The following LPP variants were observed in gnomAD, a reference collection of about 807,000 sequenced individuals.
The protein encoded by LPP is LIM domain containing preferred translocation partner in lipoma.
In LPP, 38 loss-of-function variants were observed where a neutral mutation model predicts 60.4. The ratio of observed to expected loss-of-function variants is 0.63; its 90% CI spans 0.49 to 0.83. LPP has a LOEUF of 0.83. Ranked by LOEUF, LPP falls within the 40% of genes least tolerant of loss-of-function variation. The pLI, the probability that LPP is intolerant of heterozygous loss-of-function variation, is 0.00. For missense variants in LPP, 902 were observed against 783.6 expected (o/e 1.15, Z -1.80); for synonymous variants, 328 against 290.8 (o/e 1.13, Z -1.30).
intron 9 of LPP, among the ~76,000 whole-genome samples, chr3:188,847,463 A>G (rs1761722421): frequency 6.6e-6 from 1 of 152,240 alleles, no homozygotes; most frequent in South Asian, 2.1e-4. Flanking sequence ...GAAACCCAGA[A>G]AGAAGAGAAG....
intron 8 of LPP, among the ~76,000 whole-genome samples, chr3:188,727,619 C>T (rs780933322): frequency 8.5e-5 from 13 of 152,166 alleles, no homozygotes; most frequent in Non-Finnish European, 1.8e-4. Context: ...GACAGGGACA[C>T]TTATTCATAT....
At chr3:188,738,228 G>A (rs1054049153) in intron 8 of LPP, among the ~76,000 whole-genome samples, 2 of 152,062 alleles carry the variant, frequency 1.3e-5, no homozygotes, top group Non-Finnish European at 2.9e-5. Context: ...GATCGGTCAC[G>A]TTGTGAATCT....
intron 1 of LPP, among the ~76,000 whole-genome samples, chr3:188,197,409 G>A (rs1386501384): frequency 1.3e-5 from 2 of 152,146 alleles, no homozygotes; most frequent in Non-Finnish European, 2.9e-5. Flanking sequence ...ATATAACTCG[G>A]CAGAGCTTTA....
intron 3 of LPP, among the ~76,000 whole-genome samples, chr3:188,396,206 G>C (rs1400098026): frequency 6.6e-6 from 1 of 152,074 alleles, no homozygotes; most frequent in South Asian, 2.1e-4. Flanking sequence ...TTCATCAATA[G>C]TAGACTCATA....
At chr3:188,628,163 A>G (rs1407793729) in intron 7 of LPP, among the ~76,000 whole-genome samples, 4 of 152,150 alleles carry the variant, frequency 2.6e-5, no homozygotes, top group Non-Finnish European at 5.9e-5. Flanking sequence ...GAAAAATCTC[A>G]ACAACCTAAC....
chr3:188,257,732 G>A (rs1732143877), intron 2 of LPP, among the ~76,000 whole-genome samples: 1 of 152,194 alleles, frequency 6.6e-6, no homozygotes, highest in Non-Finnish European at 1.5e-5. Context: ...CACCCAGTCT[G>A]TGTACACACA....
intron 9 of LPP, among the ~76,000 whole-genome samples, chr3:188,773,296 A>C (rs1314900337): frequency 6.6e-6 from 1 of 152,170 alleles, no homozygotes; most frequent in African/African-American, 2.4e-5. Context: ...TCATTATAGC[A>C]AGACAGGTGC....
At chr3:188,469,235 T>G (rs575151712) in intron 4 of LPP, among the ~76,000 whole-genome samples, 3 of 152,240 alleles carry the variant, frequency 2.0e-5, no homozygotes, top group African/African-American at 7.2e-5. Flanking sequence ...GGACTTAACC[T>G]TTGCAGATGT....
intron 7 of LPP, among the ~76,000 whole-genome samples, chr3:188,622,407 G>A (rs534253372): frequency 3.3e-5 from 5 of 152,214 alleles, no homozygotes; most frequent in Non-Finnish European, 7.3e-5. Context: ...TGCTTACAAC[G>A]TAATTCTGTC....
At chr3:188,715,964 C>T (rs567778164) in intron 8 of LPP, among the ~76,000 whole-genome samples, 1 of 152,204 alleles carries the variant, frequency 6.6e-6, no homozygotes, top group Non-Finnish European at 1.5e-5. Context: ...CTGTAATTAT[C>T]TTGACATTGT....
chr3:188,330,297 G>A (rs1013390206), intron 2 of LPP, among the ~76,000 whole-genome samples: 15 of 152,202 alleles, frequency 9.9e-5, no homozygotes, highest in African/African-American at 3.1e-4. Context: ...AGACAATGCT[G>A]CGTGTGAACA....
chr3:188,591,883 G>T (rs1329922162), intron 6 of LPP, among the ~76,000 whole-genome samples: 1 of 152,198 alleles, frequency 6.6e-6, no homozygotes, highest in Non-Finnish European at 1.5e-5. Context: ...GGGTTTAACT[G>T]TGAGGTACTT....
intron 1 of LPP, among the ~76,000 whole-genome samples, chr3:188,207,497 G>A (rs1415554130): frequency 2.0e-5 from 3 of 151,854 alleles, no homozygotes; most frequent in East Asian, 3.9e-4. Flanking sequence ...CTCCCAAAGT[G>A]CTGGGATTAC....
At chr3:188,556,421 C>T (rs564294709) in intron 6 of LPP, among the ~76,000 whole-genome samples, 1 of 152,108 alleles carries the variant, frequency 6.6e-6, no homozygotes, top group South Asian at 2.1e-4. Context: ...AAAAATTAAA[C>T]ATATACCATA....
intron 6 of LPP, among the ~76,000 whole-genome samples, chr3:188,596,468 A>C (rs1039865520): frequency 6.6e-6 from 1 of 152,192 alleles, no homozygotes; most frequent in African/African-American, 2.4e-5. Flanking sequence ...ATCCATCTAC[A>C]ATCAGTGGAC....
chr3:188,203,524 TAAA>T (rs1560107497), intron 1 of LPP, among the ~76,000 whole-genome samples: 1 of 35,018 alleles, frequency 2.9e-5, no homozygotes, highest in East Asian at 5.2e-4. Flanking sequence ...TAAATATATA[TAAA>T]TATATATTTA....
intron 6 of LPP, among the ~76,000 whole-genome samples, chr3:188,604,834 G>A (rs1685183750): frequency 6.6e-6 from 1 of 152,144 alleles, no homozygotes; most frequent in Non-Finnish European, 1.5e-5. Flanking sequence ...CATGTGATAT[G>A]TACAGGGAGG....
At chr3:188,471,255 C>A (rs1156760051) in intron 4 of LPP, among the ~76,000 whole-genome samples, 1 of 152,140 alleles carries the variant, frequency 6.6e-6, no homozygotes, top group Non-Finnish European at 1.5e-5. Flanking sequence ...AGTGAGTGTC[C>A]TCCAACTTGG....
chr3:188,512,945 G>C (rs982516064), intron 5 of LPP, among the ~76,000 whole-genome samples: 2 of 152,134 alleles, frequency 1.3e-5, no homozygotes, highest in African/African-American at 4.8e-5. Flanking sequence ...TACCTGACAA[G>C]TTCTGTTTGA....
Sources: allele counts gnomAD v4.1 joint callset (sites outside exome capture counted in the v4.1 genomes callset), GRCh38; gene constraint gnomAD v4.1.1; transcripts MANE v1.5; gene names NCBI Gene and HGNC (gene_info 2026-07-23, HGNC 2026-07-21).